ATG10: variants seen among roughly 807,000 people sequenced by gnomAD.
The protein encoded by ATG10 is autophagy related 10.
ATG10 carries 30 observed loss-of-function variants against 32.1 expected under a neutral mutation model. The ratio of observed to expected loss-of-function variants is 0.94; its 90% CI spans 0.70 to 1.27. ATG10 has a LOEUF of 1.27. Among genes scored for constraint, ATG10 ranks in the 50% most tolerant of loss-of-function variants. The pLI is 0.00. For synonymous variants in ATG10, 87 were observed against 91.5 expected (o/e 0.95, Z 0.28); for missense variants, 233 against 262.3 (o/e 0.89, Z 0.77).
chr5:82,009,285 G>T (rs1027235270), intron 2 of ATG10, among the ~76,000 whole-genome samples: 3 of 151,982 alleles, frequency 2.0e-5, no homozygotes, highest in Non-Finnish European at 4.4e-5. Context: ...GCAGGCTAGG[G>T]AACCATTTTT....
intron 5 of ATG10, among the ~76,000 whole-genome samples, chr5:82,189,788 C>T (rs796531196): frequency 5.3e-5 from 8 of 152,150 alleles, no homozygotes; most frequent in African/African-American, 1.9e-4. Flanking sequence ...TACAACCCAG[C>T]TAATTTTTGT....
rs915346110 is a variant in ATG10 at position 82,054,904 on chromosome 5, A to T, written c.109-3591A>T. On this transcript the variant is annotated intron_variant, in intron 2 of 7. Coordinates refer to ENST00000282185, the MANE Select transcript of ATG10 (RefSeq NM_031482.5). The stretch of plus-strand genomic sequence containing the variant: ...AGAGTTAAATGTTCAAGTGTAAGCT[A>T]TGATAAGTACAAAAAGAATGCAGGG... Among the ~76,000 whole-genome samples, 3 of 152,220 alleles carry T rather than the reference A, an allele frequency of 2.0e-5. No individual in the cohort carries two copies. In the East Asian group the frequency reaches 5.8e-4, roughly 29 times the overall value.
chr5:82,214,914 C>T (rs983458185), intron 5 of ATG10, among the ~76,000 whole-genome samples: 4 of 152,244 alleles, frequency 2.6e-5, no homozygotes, highest in African/African-American at 9.6e-5. Context: ...AGAGGAACTC[C>T]AGTGCACCTT....
At chr5:82,206,330 A>C (rs977854177) in intron 5 of ATG10, among the ~76,000 whole-genome samples, 1 of 152,126 alleles carries the variant, frequency 6.6e-6, no homozygotes, top group Non-Finnish European at 1.5e-5. Flanking sequence ...GCTAGATGGC[A>C]TGTATATCAA....
At chr5:82,076,206 A>T (rs1383736687) in intron 3 of ATG10, among the ~76,000 whole-genome samples, 1 of 152,206 alleles carries the variant, frequency 6.6e-6, no homozygotes, top group Non-Finnish European at 1.5e-5. Flanking sequence ...ATACAGGCAT[A>T]AAACACTAGG....
At chr5:81,973,197 T>G (rs2149647470) in intron 1 of ATG10, 1 of 152,476 alleles carries the variant, frequency 6.6e-6, no homozygotes, top group East Asian at 1.9e-4. Context: ...TGGCACGATC[T>G]CGGCTCACTG....
chr5:81,997,214 A>G (rs915400891), intron 2 of ATG10, among the ~76,000 whole-genome samples: 15 of 152,212 alleles, frequency 9.9e-5, no homozygotes, highest in African/African-American at 3.6e-4. Context: ...CCACCGCCCA[A>G]CGAAGGACTT....
At chr5:81,990,953 G>A (rs1450651444) in intron 2 of ATG10, among the ~76,000 whole-genome samples, 1 of 152,178 alleles carries the variant, frequency 6.6e-6, no homozygotes, top group Non-Finnish European at 1.5e-5. Context: ...CAACAGTGAG[G>A]ACCAAACGAA....
At chr5:82,149,199 C>A (rs1412256833) in intron 3 of ATG10, among the ~76,000 whole-genome samples, 1 of 151,790 alleles carries the variant, frequency 6.6e-6, no homozygotes, top group Non-Finnish European at 1.5e-5. Context: ...GCAACCAGGG[C>A]AGCCCTGGTT....
chr5:82,200,864 ATTAT>A lies in ATG10; in HGVS notation c.453+22316_453+22319del, dbSNP rs34770803. 9.6e-3 allele frequency among the ~76,000 whole-genome samples: 1,378 copies of A among 143,192 alleles called. 9 individuals carry two copies. The highest frequency in any genetic ancestry group is 0.022 in the African/African-American group (839 of 38,298). The allele number at this position is 143,192 out of a possible 152,430, so 93.9% of individuals were successfully genotyped here. ...TGAAGTCCAATTTATTTAAAAATAC[ATTAT>A]TTATTTATTTATTTATTTATTTATT... On this transcript the variant is annotated intron_variant, in intron 5 of 7. Coordinates refer to ENST00000282185, the MANE Select transcript of ATG10 (RefSeq NM_031482.5).
At chr5:82,013,175 C>T (rs967705442) in intron 2 of ATG10, among the ~76,000 whole-genome samples, 10 of 152,102 alleles carry the variant, frequency 6.6e-5, no homozygotes, top group African/African-American at 2.2e-4. Context: ...ATTGGCCAGG[C>T]TGGTCTTGGG....
chr5:82,002,756 T>G (rs12520365), intron 2 of ATG10, among the ~76,000 whole-genome samples: 52,790 of 151,824 alleles, frequency 0.35, 10,506 homozygotes, highest in East Asian at 0.76. Context: ...TGCTATTTAC[T>G]TATATAAAAA....
chr5:82,068,452 A>G lies in ATG10; in HGVS notation c.216+9850A>G, dbSNP rs138450592. 4.9e-3 allele frequency among the ~76,000 whole-genome samples: 748 copies of G among 152,136 alleles called. 16 individuals carry two copies. The highest frequency in any genetic ancestry group is 0.031 in the Admixed American group (480 of 15,242). On this transcript the variant is annotated intron_variant, in intron 3 of 7. Coordinates refer to ENST00000282185, the MANE Select transcript of ATG10 (RefSeq NM_031482.5). ...TTAGGAGAAATACCTAATGTAGATG[A>G]CAGGTTGATGGGTGCAGCAAACCAC...
intron 5 of ATG10, among the ~76,000 whole-genome samples, chr5:82,195,767 G>A (rs900247461): frequency 2.0e-5 from 3 of 152,072 alleles, no homozygotes; most frequent in Non-Finnish European, 4.4e-5. Context: ...ATGACATTTT[G>A]TTTATCCATT....
chr5:82,046,056 C>T (rs566730535), intron 2 of ATG10, among the ~76,000 whole-genome samples: 93 of 152,216 alleles, frequency 6.1e-4, no homozygotes, highest in African/African-American at 2.0e-3. Context: ...GGCCTATTGT[C>T]CCCAGGTTGG....
intron 2 of ATG10, among the ~76,000 whole-genome samples, chr5:82,030,713 CT>C (rs1382759126): frequency 6.6e-6 from 1 of 152,124 alleles, no homozygotes; most frequent in African/African-American, 2.4e-5. Context: ...CTCTCCTTAC[CT>C]TTTCCTGCAA....
intron 2 of ATG10, among the ~76,000 whole-genome samples, chr5:82,048,353 T>C (rs1484348302): frequency 6.7e-6 from 1 of 148,600 alleles, no homozygotes; most frequent in Non-Finnish European, 1.5e-5. Context: ...CCCATGAGCA[T>C]GGAATGTTCT....
chr5:82,124,342 C>A lies in ATG10; in HGVS notation c.217-40057C>A, dbSNP rs562594759. On this transcript the variant is annotated intron_variant, in intron 3 of 7. Transcript: ENST00000282185. ...TAATTTAAGTTCTGGGATACATGTG[C>A]AGAACGTGCAGGTTTGTTAAATAGG... Among the ~76,000 whole-genome samples, 172 of 150,526 alleles carry A rather than the reference C, an allele frequency of 1.1e-3. 2 individuals are homozygous for A. The highest frequency in any genetic ancestry group is 2.3e-3 in the Admixed American group (34 of 15,032).
At chr5:82,028,445 C>CA in intron 2 of ATG10, among the ~76,000 whole-genome samples, 1 of 151,868 alleles carries the variant, frequency 6.6e-6, no homozygotes, top group East Asian at 1.9e-4. Flanking sequence ...TGGGTGACTG[C>CA]AAAAAAAGGC....
Sources: allele counts gnomAD v4.1 joint callset (sites outside exome capture counted in the v4.1 genomes callset), GRCh38; gene constraint gnomAD v4.1.1; transcripts MANE v1.5; gene names NCBI Gene and HGNC (gene_info 2026-07-23, HGNC 2026-07-21).